OSBPL8: variants seen among roughly 807,000 people sequenced by gnomAD.
OSBPL8 encodes oxysterol-binding protein-related protein 8.
A neutral mutation model predicts 125.5 loss-of-function variants in OSBPL8; 59 were observed. The ratio of observed to expected loss-of-function variants is 0.47; its 90% confidence interval spans 0.38 to 0.58. OSBPL8 has a LOEUF of 0.58. Among genes scored for constraint, OSBPL8 ranks in the 20% least tolerant of loss-of-function variants. OSBPL8 has a pLI of 0.00. For missense variants in OSBPL8, 758 were observed against 1,047.8 expected, an observed-to-expected ratio of 0.72 and a Z score of 3.82; for synonymous variants, 330 against 338.9, an observed-to-expected ratio of 0.97 and a Z score of 0.29.
chr12:76,491,664 G>C (rs956268878), intron 1 of OSBPL8, among the ~76,000 whole-genome samples: 3 of 152,108 alleles, frequency 2.0e-5, no homozygotes, highest in Non-Finnish European at 4.4e-5. Flanking sequence ...CTATTTTACT[G>C]ATCTGTTTTT....
intron 21 of OSBPL8, among the ~76,000 whole-genome samples, chr12:76,367,470 T>G (rs1236940243): frequency 6.6e-6 from 1 of 152,158 alleles, no homozygotes; most frequent in African/African-American, 2.4e-5. Context: ...AAAGTGAATC[T>G]CTTGTACACA....
chr12:76,477,923 G>T (rs1460610711), intron 2 of OSBPL8, among the ~76,000 whole-genome samples: 1 of 151,892 alleles, frequency 6.6e-6, no homozygotes, highest in African/African-American at 2.4e-5. Flanking sequence ...AGAATTCATG[G>T]CCGGGCATGG....
intron 4 of OSBPL8, among the ~76,000 whole-genome samples, chr12:76,438,303 CTT>C (rs1011776823): frequency 3.9e-4 from 51 of 130,512 alleles, no homozygotes; most frequent in Non-Finnish European, 4.5e-4. Flanking sequence ...TTCTTAATAA[CTT>C]TTTTTTTTTT....
chr12:76,516,949 G>A (rs997580315), intron 1 of OSBPL8, among the ~76,000 whole-genome samples: 1 of 151,926 alleles, frequency 6.6e-6, no homozygotes, highest in Admixed American at 6.6e-5. Context: ...GAGTAGCTGG[G>A]ATTACAGCGT....
chr12:76,472,617 T>C (rs1203819695), intron 2 of OSBPL8, among the ~76,000 whole-genome samples: 3 of 152,092 alleles, frequency 2.0e-5, no homozygotes, highest in Non-Finnish European at 4.4e-5. Context: ...GTCACGTGGG[T>C]CACGTGTCCA....
intron 1 of OSBPL8, among the ~76,000 whole-genome samples, chr12:76,493,390 C>G (rs187120415): frequency 6.6e-6 from 1 of 152,300 alleles, no homozygotes; most frequent in Non-Finnish European, 1.5e-5. Context: ...AATTCTCTTT[C>G]ATTTTTTTGT....
intron 19 of OSBPL8, 46 bp downstream of exon 19, chr12:76,371,402 C>T: frequency 1.3e-6 from 2 of 1,500,602 alleles, no homozygotes; most frequent in South Asian, 2.9e-5. Context: ...AATTGAAAAA[C>T]TACTCTCTGA....
At chr12:76,369,996 G>A (rs1592538189) in intron 19 of OSBPL8, among the ~76,000 whole-genome samples, 174 bp from the exon 20 acceptor site, 1 of 152,156 alleles carries the variant, frequency 6.6e-6, no homozygotes, top group Non-Finnish European at 1.5e-5. Context: ...CCAGTCCCTT[G>A]AGTAGAGAGA....
intron 4 of OSBPL8, among the ~76,000 whole-genome samples, chr12:76,418,396 T>C (rs1470285052): frequency 2.0e-5 from 3 of 152,196 alleles, no homozygotes; most frequent in Non-Finnish European, 4.4e-5. Context: ...TGGGGTACTT[T>C]ATTGAAGCCA....
intron 1 of OSBPL8, among the ~76,000 whole-genome samples, chr12:76,497,438 A>G (rs1879396731): frequency 6.6e-6 from 1 of 152,232 alleles, no homozygotes. Context: ...AATTGTATGC[A>G]TAATAAAGGA....
intron 4 of OSBPL8, among the ~76,000 whole-genome samples, chr12:76,448,453 C>CA (rs1051407186): frequency 2.3e-3 from 339 of 148,908 alleles, no homozygotes; most frequent in Non-Finnish European, 3.9e-3. Flanking sequence ...ATGCACAGTG[C>CA]AAAAAAAAAC....
chr12:76,442,301 AT>A (rs1872279849), intron 4 of OSBPL8, among the ~76,000 whole-genome samples: 1 of 152,196 alleles, frequency 6.6e-6, no homozygotes, highest in Admixed American at 6.5e-5. Context: ...CAAAGATACC[AT>A]AACATTTTAT....
intron 9 of OSBPL8, among the ~76,000 whole-genome samples, chr12:76,394,142 C>T (rs1953692761): frequency 6.6e-6 from 1 of 151,998 alleles, no homozygotes; most frequent in Non-Finnish European, 1.5e-5. Context: ...AGGACAAAAT[C>T]CATTATTAAT....
chr12:76,484,892 A>G (rs1432564874), intron 2 of OSBPL8, among the ~76,000 whole-genome samples: 3 of 152,184 alleles, frequency 2.0e-5, no homozygotes, highest in African/African-American at 4.8e-5. Flanking sequence ...CTAATGAACA[A>G]GAAAAGAAAA....
chr12:76,547,154 G>T (rs1258598202), intron 1 of OSBPL8, among the ~76,000 whole-genome samples: 1 of 152,174 alleles, frequency 6.6e-6, no homozygotes, highest in Non-Finnish European at 1.5e-5. Flanking sequence ...CATAGCTGTA[G>T]AAGAAAGAAC....
In OSBPL8 at chr12:76,381,267, G is replaced by A. The variant is rs1953037967; in HGVS notation, c.1631-2717C>T. ...CTGGCCTCATAAAATGATCTGAGGA[G>A]TGTTTTTTCTTCTTCTATTTTATGC... is the stretch of plus-strand genomic sequence containing the variant. On this transcript the variant is annotated intron_variant, in intron 15 of 23. Coordinates refer to ENST00000261183, the MANE Select transcript of OSBPL8 (RefSeq NM_020841.5). 2.6e-5 allele frequency among the ~76,000 whole-genome samples: 4 copies of A among 152,282 alleles called. 1 individual carries two copies. The highest frequency in any genetic ancestry group is 2.0e-4 in the Admixed American group (3 of 15,278).
At chr12:76,489,400 C>A (rs1878480908) in intron 1 of OSBPL8, among the ~76,000 whole-genome samples, 1 of 152,204 alleles carries the variant, frequency 6.6e-6, no homozygotes, top group Non-Finnish European at 1.5e-5. Flanking sequence ...CTGCAAAGGA[C>A]AAACTGACTC....
At chr12:76,469,264 C>A (rs1875832390) in intron 2 of OSBPL8, among the ~76,000 whole-genome samples, 1 of 152,200 alleles carries the variant, frequency 6.6e-6, no homozygotes, top group African/African-American at 2.4e-5. Flanking sequence ...GCTGCAGACC[C>A]TCAAGGCCAT....
At chr12:76,465,292 G>T (rs1212334617) in intron 2 of OSBPL8, among the ~76,000 whole-genome samples, 1 of 152,216 alleles carries the variant, frequency 6.6e-6, no homozygotes, top group Non-Finnish European at 1.5e-5. Context: ...CAGGTGCAGT[G>T]GCTCACGCCT....
Sources: allele counts gnomAD v4.1 joint callset (sites outside exome capture counted in the v4.1 genomes callset), GRCh38; gene constraint gnomAD v4.1.1; transcripts MANE v1.5; gene names NCBI Gene and HGNC (gene_info 2026-07-23, HGNC 2026-07-21).